LIPA: variants seen among roughly 807,000 people sequenced by gnomAD.
LIPA encodes the protein lipase A, lysosomal acid type, also known as lysosomal acid lipase/cholesteryl ester hydrolase.
A neutral mutation model predicts 40.6 loss-of-function variants in LIPA; 26 were observed. The ratio of observed to expected loss-of-function variants is 0.64; its 90% CI spans 0.47 to 0.89. The LOEUF is 0.89. Ranked by LOEUF, LIPA falls within the 40% of genes least tolerant of loss-of-function variation. The pLI is 0.00. For synonymous variants in LIPA, 188 were observed against 168.4 expected (o/e 1.12, Z -0.90); for missense variants, 455 against 479.6 (o/e 0.95, Z 0.48).
At chr10:89,215,843 A>G in intron 9 of LIPA, 95 bp downstream of exon 9, 1 of 832,112 alleles carries the variant, frequency 1.2e-6, no homozygotes, top group East Asian at 2.4e-5. Flanking sequence ...AACATTTCCC[A>G]CAGCACCTGA....
chr10:89,396,330 G>C (rs886519088), intron 2 of LIPA, among the ~76,000 whole-genome samples: 80 of 152,234 alleles, frequency 5.3e-4, no homozygotes, highest in African/African-American at 1.8e-3. Context: ...AAAGAAAAAA[G>C]GTTTATTTAG....
intron 2 of LIPA, among the ~76,000 whole-genome samples, chr10:89,411,465 T>C (rs781779044): frequency 3.9e-5 from 6 of 152,236 alleles, no homozygotes; most frequent in African/African-American, 1.4e-4. Context: ...TAAGTTAATA[T>C]GGACTGAACG....
Position 89,378,170 on chromosome 10 carries a change from A to T in LIPA, c.61+34621T>A, listed in dbSNP as rs190862083. Reference sequence around the variant, plus strand: ...AGTCTTTCTCTGCTTCACTGACCTTATTTCTGCACACTTTGAAATTCTAAA... The same window carrying T: ...AGTCTTTCTCTGCTTCACTGACCTTTTTTCTGCACACTTTGAAATTCTAAA... On this transcript the variant is annotated intron_variant, in intron 2 of 8. Transcript: ENST00000371837. 4.0e-5 allele frequency: 64 copies of T among 1,612,328 alleles called. No individual in the cohort carries two copies. The East Asian group carries it at 1.2e-3, about 31-fold the overall frequency.
intron 1 of LIPA, among the ~76,000 whole-genome samples, chr10:89,268,922 C>T (rs909934138): frequency 1.4e-5 from 2 of 143,958 alleles, no homozygotes; most frequent in Non-Finnish European, 3.1e-5. Context: ...GGAGGCGGAG[C>T]TTGCAGTGAG....
At chr10:89,339,704 A>C (rs780078969) in intron 1 of LIPA, 1 of 1,614,234 alleles carries the variant, frequency 6.2e-7, no homozygotes, top group Non-Finnish European at 8.5e-7. Context: ...CCATTCAATA[A>C]GGAAGTCCCT....
At chr10:89,301,279 G>A (rs1322583148) in intron 1 of LIPA, among the ~76,000 whole-genome samples, 1 of 152,222 alleles carries the variant, frequency 6.6e-6, no homozygotes, top group African/African-American at 2.4e-5. Flanking sequence ...TGGAATGCTT[G>A]CCATACCATG....
At chr10:89,234,409 G>A (rs1020838707) in intron 3 of LIPA, among the ~76,000 whole-genome samples, 1 of 152,234 alleles carries the variant, frequency 6.6e-6, no homozygotes, top group African/African-American at 2.4e-5. Context: ...GGGAGATGCA[G>A]AGGATATAAC....
At chr10:89,237,960 C>T (rs1270884447) in intron 3 of LIPA, among the ~76,000 whole-genome samples, 1 of 152,182 alleles carries the variant, frequency 6.6e-6, no homozygotes, top group Non-Finnish European at 1.5e-5. Context: ...GAAGAGAACC[C>T]CAACAGAGAG....
At position 89,402,723 on chromosome 10, in the gene LIPA, C is replaced by G. The variant is rs1286851193; in HGVS notation, c.61+10068G>C. 1.9e-6 allele frequency: 3 copies of G among 1,614,156 alleles called. No homozygotes were observed. In the South Asian group the frequency reaches 3.3e-5, roughly 18 times the overall value. ...AGACTGTGAGGAAGGATGGGCCTTG[C>G]TGAAGTGTGGAGGAAAAAATTATGA... On this transcript the variant is annotated intron_variant, in intron 2 of 8. Transcript: ENST00000371837.
intron 2 of LIPA, among the ~76,000 whole-genome samples, chr10:89,379,204 G>T (rs955527130): frequency 2.2e-4 from 33 of 152,120 alleles, no homozygotes; most frequent in African/African-American, 8.0e-4. Context: ...TATGAAATTT[G>T]CTTTTCACTG....
intron 2 of LIPA, among the ~76,000 whole-genome samples, chr10:89,379,711 C>G (rs542207536): frequency 6.6e-6 from 1 of 152,244 alleles, no homozygotes; most frequent in South Asian, 2.1e-4. Flanking sequence ...CCAAGTCTCT[C>G]TTTTTAATAT....
intron 2 of LIPA, among the ~76,000 whole-genome samples, chr10:89,356,530 G>C (rs912865632): frequency 6.6e-6 from 1 of 151,992 alleles, no homozygotes; most frequent in Non-Finnish European, 1.5e-5. Flanking sequence ...AAAAGAGCAC[G>C]AACCCTATTG....
intron 8 of LIPA, among the ~76,000 whole-genome samples, chr10:89,221,711 G>A (rs946282061): frequency 6.6e-6 from 1 of 152,164 alleles, no homozygotes; most frequent in Non-Finnish European, 1.5e-5. Context: ...CTGACATATT[G>A]TCAGGTGAAA....
intron 1 of LIPA, among the ~76,000 whole-genome samples, chr10:89,329,775 A>G (rs897400347): frequency 6.6e-6 from 1 of 152,162 alleles, no homozygotes; most frequent in Non-Finnish European, 1.5e-5. Flanking sequence ...GGTTTCATGC[A>G]AGTCCGTGTG....
intron 2 of LIPA, among the ~76,000 whole-genome samples, chr10:89,390,075 C>T (rs1844235246): frequency 1.3e-5 from 2 of 150,300 alleles, no homozygotes; most frequent in South Asian, 4.2e-4. Context: ...CAACCTCCAC[C>T]TCCCGGGTTC....
chr10:89,316,103 G>C (rs1392213789), intron 1 of LIPA, among the ~76,000 whole-genome samples: 1 of 152,142 alleles, frequency 6.6e-6, no homozygotes. Context: ...TTCAGAGGAG[G>C]TTCCAAGATG....
At chr10:89,393,252 T>C in intron 2 of LIPA, 1 of 1,289,878 alleles carries the variant, frequency 7.8e-7, no homozygotes, top group Non-Finnish European at 1.0e-6. Flanking sequence ...TCTCACTTTC[T>C]GCACTGCTGG....
intron 1 of LIPA, chr10:89,339,219 G>C: frequency 3.1e-6 from 5 of 1,614,198 alleles, no homozygotes; most frequent in Non-Finnish European, 4.2e-6. Flanking sequence ...ATCACCCAGA[G>C]AAACAGTTCT....
intron 2 of LIPA, among the ~76,000 whole-genome samples, chr10:89,390,015 C>G (rs1392354977): frequency 9.4e-6 from 1 of 105,966 alleles, no homozygotes; most frequent in Non-Finnish European, 1.7e-5. Flanking sequence ...GAGTTTCACT[C>G]TTGTTGCCCA....
Sources: allele counts gnomAD v4.1 joint callset (sites outside exome capture counted in the v4.1 genomes callset), GRCh38; gene constraint gnomAD v4.1.1; transcripts MANE v1.5; gene names NCBI Gene and HGNC (gene_info 2026-07-23, HGNC 2026-07-21).